Variants in SENP7 observed in about 807,000 individuals in gnomAD.
SENP7 encodes sentrin-specific protease 7.
Under a neutral mutation model 141.2 loss-of-function variants are expected in SENP7, and 64 were observed. The observed-to-expected ratio is 0.45, with a 90% CI of 0.37 to 0.56. The LOEUF (loss-of-function observed/expected upper bound fraction) is 0.56, where lower values mean the gene tolerates loss of function less well. SENP7 is among the 20% of genes least tolerant of loss of function. The pLI is 0.00. For missense variants in SENP7, 1,025 were observed against 1,212.2 expected (o/e 0.85, Z 2.29); for synonymous variants, 382 against 426.4 (o/e 0.90, Z 1.28).
chr3:101,419,126 G>A (rs2061709955), intron 4 of SENP7, among the ~76,000 whole-genome samples: 1 of 152,132 alleles, frequency 6.6e-6, no homozygotes, highest in Admixed American at 6.5e-5. Flanking sequence ...CTCAAAGAAG[G>A]ACAGGCACTA....
At chr3:101,428,400 G>A (rs1206915203) in intron 4 of SENP7, among the ~76,000 whole-genome samples, 1 of 152,210 alleles carries the variant, frequency 6.6e-6, no homozygotes, top group Admixed American at 6.5e-5. Flanking sequence ...TAACTGGCGT[G>A]AGATGGTATC....
At chr3:101,495,073 A>C (rs556652768) in intron 2 of SENP7, among the ~76,000 whole-genome samples, 1 of 152,306 alleles carries the variant, frequency 6.6e-6, no homozygotes, top group South Asian at 2.1e-4. Flanking sequence ...AGGAACATAA[A>C]TTTATAAGAA....
chr3:101,328,570 C>G (rs772604221), intron 21 of SENP7, 24 bp from the exon 22 acceptor site: 7 of 1,607,624 alleles, frequency 4.4e-6, no homozygotes, highest in Non-Finnish European at 5.1e-6. Context: ...AGGACAAAAT[C>G]AAGATTTACA....
At chr3:101,487,308 T>G (rs2064772187) in intron 3 of SENP7, among the ~76,000 whole-genome samples, 1 of 152,174 alleles carries the variant, frequency 6.6e-6, no homozygotes, top group African/African-American at 2.4e-5. Context: ...CATATATTAT[T>G]TTTTAATAAG....
In SENP7 at chr3:101,341,636, C is replaced by G; in HGVS notation, c.2240+10G>C. On this transcript the variant is annotated intron_variant, in intron 15 of 23. Coordinates refer to ENST00000394095, the MANE Select transcript of SENP7 (RefSeq NM_020654.5). ...CCCATCTACTACAAACATGCTATGA[C>G]AGTACATACTTCTGAACAAGTCCAG... 1 of 1,567,184 alleles carries G rather than the reference C, an allele frequency of 6.4e-7. No individual in the cohort carries two copies. Among genetic ancestry groups the G allele is most frequent in the South Asian group, 1.2e-5 (1 of 84,188 alleles).
intron 11 of SENP7, among the ~76,000 whole-genome samples, chr3:101,354,793 A>G (rs1458873235): frequency 6.6e-6 from 1 of 152,142 alleles, no homozygotes; most frequent in Non-Finnish European, 1.5e-5. Context: ...TTCTGTTTTT[A>G]GCTCTTTGAG....
intron 4 of SENP7, among the ~76,000 whole-genome samples, chr3:101,443,117 G>A (rs930960337): frequency 6.6e-6 from 1 of 152,018 alleles, no homozygotes; most frequent in African/African-American, 2.4e-5. Flanking sequence ...ATCTTGAATT[G>A]ATTTTTGTAT....
chr3:101,463,380 T>TATATATATATATATATACACAC (rs1553744723), intron 3 of SENP7, among the ~76,000 whole-genome samples: 1 of 72,142 alleles, frequency 1.4e-5, no homozygotes, highest in Admixed American at 1.7e-4. Flanking sequence ...TATATATATA[T>TATATATATATATATATACACAC]ATATATATAT....
intron 11 of SENP7, among the ~76,000 whole-genome samples, chr3:101,353,416 T>A (rs1348899532): frequency 5.3e-5 from 8 of 151,970 alleles, no homozygotes; most frequent in Admixed American, 4.6e-4. Context: ...ATGTTTCTAC[T>A]TGGCAAGGAT....
At chr3:101,414,656 G>C in intron 5 of SENP7, 6 of 1,357,586 alleles carry the variant, frequency 4.4e-6, no homozygotes, top group Non-Finnish European at 6.3e-6. Flanking sequence ...GTGGCCATGG[G>C]GGCTGAGGGC....
Position 101,381,984 on chromosome 3 carries a change from A to G in SENP7, c.678-9858T>C, listed in dbSNP as rs1015569461. ...TATGACAGAGCTGGAATACATTAAT[A>G]AAAATGAAACCTCCTCCACTTCCAT... On this transcript the variant is annotated intron_variant, in intron 6 of 23. Coordinates refer to ENST00000394095, the MANE Select transcript of SENP7 (RefSeq NM_020654.5). 7.9e-5 allele frequency among the ~76,000 whole-genome samples: 12 copies of G among 152,192 alleles called. 1 individual carries two copies.
At chr3:101,420,948 T>C (rs1226910525) in intron 4 of SENP7, among the ~76,000 whole-genome samples, 1 of 152,140 alleles carries the variant, frequency 6.6e-6, no homozygotes, top group Non-Finnish European at 1.5e-5. Context: ...CTGAACTTGA[T>C]TCTATTAGGT....
chr3:101,451,040 A>G (rs200107623), intron 4 of SENP7, among the ~76,000 whole-genome samples: 1 of 152,220 alleles, frequency 6.6e-6, no homozygotes, highest in East Asian at 1.9e-4. Flanking sequence ...GGATATCACC[A>G]CCGGTCCCAC....
intron 13 of SENP7, among the ~76,000 whole-genome samples, chr3:101,344,221 TA>T (rs1172992481): frequency 6.6e-6 from 1 of 152,208 alleles, no homozygotes; most frequent in African/African-American, 2.4e-5. Context: ...CATTTAGTAA[TA>T]AACATTTGTT....
At chr3:101,389,205 C>G (rs1188548387) in intron 6 of SENP7, among the ~76,000 whole-genome samples, 1 of 152,016 alleles carries the variant, frequency 6.6e-6, no homozygotes, top group Admixed American at 6.6e-5. Context: ...TGGTGCAATC[C>G]TAGCTCACTG....
chr3:101,454,428 C>A (rs1292913028), intron 4 of SENP7, among the ~76,000 whole-genome samples: 1 of 152,068 alleles, frequency 6.6e-6, no homozygotes. Context: ...GGGAGGATCG[C>A]TTGAGCCTGG....
chr3:101,396,446 T>C (rs4683897), intron 6 of SENP7, among the ~76,000 whole-genome samples: 60,227 of 151,694 alleles, frequency 0.4, 12,477 homozygotes, highest in Admixed American at 0.54. Context: ...TTTTAATCTT[T>C]TTCTTTTTTT....
At chr3:101,478,371 A>G (rs923464643) in intron 3 of SENP7, among the ~76,000 whole-genome samples, 7 of 152,098 alleles carry the variant, frequency 4.6e-5, no homozygotes, top group Admixed American at 6.6e-5. Context: ...AAAATTTTTA[A>G]TTAGCCAGCC....
rs564380217 is a variant in SENP7 at position 101,347,892 on chromosome 3, T to C, written c.1817A>G (p.His606Arg). The change falls in exon 13 of 24, where the codon CAC (histidine) becomes CGC (arginine). Residue 606 changes from histidine to arginine, a missense_variant. By Grantham distance (29) the His-to-Arg change is conservative. This residue lies in a region of SENP7 where 228 missense variants were observed against 228.5 expected (regional missense o/e 1.00). Transcript: ENST00000394095. ...YLQEIQTQLE[H>R]SVLSQQSKSS... ...CTCACATTGCTGGCTTAATACAGAG[T>C]GTTCTAATTGGGTCTGAATCTCTTG... The C allele has an allele frequency of 8.9e-6, 14 of 1,575,062 alleles. No homozygotes were observed. The Admixed American group carries it at 1.1e-4, about 12-fold the overall frequency.
Sources: gnomAD v4.1 joint callset for allele counts (sites outside exome capture counted in the v4.1 genomes callset) on GRCh38, gnomAD v4.1.1 for gene constraint, gnomAD v4.1.1 regional missense constraint, MANE v1.5 for transcripts, NCBI Gene and HGNC (gene_info 2026-07-23, HGNC 2026-07-21) for gene names.